QRICH1: variants seen among roughly 807,000 people sequenced by gnomAD.
QRICH1 encodes the protein glutamine rich 1.
Under a neutral mutation model 87.1 loss-of-function variants are expected in QRICH1, and 16 were observed. That is an observed-to-expected ratio of 0.18 (90% CI 0.12 to 0.28). The LOEUF (loss-of-function observed/expected upper bound fraction) is 0.28. Among genes scored for constraint, QRICH1 ranks in the 10% least tolerant of loss-of-function variants. QRICH1 has a pLI of 1.00. For synonymous variants in QRICH1, 367 were observed against 368.4 expected, an observed-to-expected ratio of 1.00 and a Z score of 0.05; for missense variants, 647 against 951.7, an observed-to-expected ratio of 0.68 and a Z score of 4.21.
intron 2 of QRICH1, among the ~76,000 whole-genome samples, chr3:49,062,957 G>A (rs532735226): frequency 3.0e-4 from 45 of 151,468 alleles, no homozygotes; most frequent in South Asian, 1.7e-3. Context: ...CCAAGATCGC[G>A]CCACTGCACT....
chr3:49,077,085 A>G, intron 1 of QRICH1, 47 bp from the exon 2 acceptor site: 1 of 1,256,266 alleles, frequency 8.0e-7, no homozygotes, highest in Non-Finnish European at 1.1e-6. Flanking sequence ...TTTAGCAGGA[A>G]ATGCCCAGAA....
At position 49,073,931 on chromosome 3, in the gene QRICH1, A is replaced by G. The variant is rs1169385159; in HGVS notation, c.309+2778T>C. Among the ~76,000 whole-genome samples the G allele has an allele frequency of 2.0e-5, 3 of 151,754 alleles. 1 individual carries two copies. The highest frequency in any genetic ancestry group is 7.3e-5 in the African/African-American group (3 of 41,310). On this transcript the variant is annotated intron_variant, in intron 2 of 9. Transcript: ENST00000395443. ...CCCAAATAGCTGGGACTACAAGTAC[A>G]TACCATCCCTGGGTAATTTTTTTTT...
chr3:49,044,308 C>T, intron 6 of QRICH1, 82 bp downstream of exon 6: 1 of 1,125,158 alleles, frequency 8.9e-7, no homozygotes, highest in East Asian at 2.4e-5. Context: ...CACTCACATG[C>T]TTTTCATAGC....
At chr3:49,056,810 A>G in intron 3 of QRICH1, 52 bp downstream of exon 3, 1 of 1,613,312 alleles carries the variant, frequency 6.2e-7, no homozygotes, top group South Asian at 1.1e-5. Context: ...TCTGTGCTGC[A>G]CTGGGCCCTG....
intron 2 of QRICH1, among the ~76,000 whole-genome samples, chr3:49,065,608 C>A (rs955379678): frequency 4.6e-5 from 7 of 151,782 alleles, no homozygotes; most frequent in African/African-American, 1.4e-4. Flanking sequence ...CAAATTAATA[C>A]ATTGGCATTG....
intron 4 of QRICH1, 97 bp downstream of exon 4, chr3:49,046,972 C>A: frequency 7.2e-7 from 1 of 1,394,142 alleles, no homozygotes. Flanking sequence ...CTCTTGTCCC[C>A]AAGACAGGAG....
At chr3:49,064,782 A>G (rs1289940264) in intron 2 of QRICH1, among the ~76,000 whole-genome samples, 1 of 152,154 alleles carries the variant, frequency 6.6e-6, no homozygotes. Context: ...TTGGGAGGCC[A>G]AGGCAGGCAG....
At chr3:49,080,012 G>A (rs1171877927) in intron 1 of QRICH1, among the ~76,000 whole-genome samples, 1 of 137,966 alleles carries the variant, frequency 7.2e-6, no homozygotes, top group Non-Finnish European at 1.5e-5. Context: ...CTGGGCGCCA[G>A]ACTGAGACTC....
intron 2 of QRICH1, among the ~76,000 whole-genome samples, chr3:49,069,703 T>G (rs941838045): frequency 1.3e-5 from 2 of 151,830 alleles, no homozygotes; most frequent in South Asian, 4.2e-4. Flanking sequence ...TGGTCTTGAA[T>G]TCCTGAACTC....
chr3:49,075,996 C>T (rs973707100), intron 2 of QRICH1, among the ~76,000 whole-genome samples: 2 of 152,126 alleles, frequency 1.3e-5, no homozygotes, highest in Non-Finnish European at 2.9e-5. Context: ...GTAATCCCAG[C>T]ACTTTTGGAT....
intron 2 of QRICH1, among the ~76,000 whole-genome samples, chr3:49,072,030 C>T (rs1280328182): frequency 6.6e-6 from 1 of 151,974 alleles, no homozygotes; most frequent in Non-Finnish European, 1.5e-5. Context: ...ACCTTTTCTT[C>T]CTTACAAAGA....
chr3:49,046,114 C>T (rs1354869332), intron 5 of QRICH1, among the ~76,000 whole-genome samples: 1 of 151,696 alleles, frequency 6.6e-6, no homozygotes, highest in Non-Finnish European at 1.5e-5. Context: ...GGGGTTTCAC[C>T]ATGTTGGCTG....
chr3:49,068,183 CCT>C (rs1017903256), intron 2 of QRICH1, among the ~76,000 whole-genome samples: 4 of 151,650 alleles, frequency 2.6e-5, no homozygotes, highest in African/African-American at 9.7e-5. Flanking sequence ...TAGCAACACC[CCT>C]CTCTCCACAA....
chr3:49,093,802 C>T (rs2042327136), intron 1 of QRICH1, 110 bp downstream of exon 1: 2 of 367,874 alleles, frequency 5.4e-6, no homozygotes, highest in Non-Finnish European at 4.8e-6. Context: ...CCGAACTCTC[C>T]AGGGCCCAGC....
chr3:49,073,593 C>T (rs573752141), intron 2 of QRICH1, among the ~76,000 whole-genome samples: 45 of 151,318 alleles, frequency 3.0e-4, no homozygotes, highest in Admixed American at 5.3e-4. Context: ...ACTAGTTTCT[C>T]GTCTTTCAGA....
At chr3:49,032,366 A>G (rs1254356131) in intron 8 of QRICH1, 93 bp from the exon 9 acceptor site, 18 of 779,026 alleles carry the variant, frequency 2.3e-5, no homozygotes, top group Non-Finnish European at 3.4e-5. Context: ...AGCCAGCCCA[A>G]CTAGGAAATA....
chr3:49,048,323 G>A (rs1224981170), intron 3 of QRICH1, among the ~76,000 whole-genome samples: 1 of 150,874 alleles, frequency 6.6e-6, no homozygotes, highest in Non-Finnish European at 1.5e-5. Context: ...GTAGAGATGG[G>A]GTTTCTCCAT....
At chr3:49,046,023 C>T (rs1321258011) in intron 5 of QRICH1, among the ~76,000 whole-genome samples, 1 of 151,844 alleles carries the variant, frequency 6.6e-6, no homozygotes, top group African/African-American at 2.4e-5. Flanking sequence ...TCAAGCGATT[C>T]TCATGCCTCA....
intron 1 of QRICH1, among the ~76,000 whole-genome samples, chr3:49,085,481 G>A (rs760108028): frequency 5.0e-4 from 76 of 152,130 alleles, no homozygotes; most frequent in Non-Finnish European, 1.3e-4. Flanking sequence ...CCTGCCGAAC[G>A]AGGTGGCTCA....
Sources: gnomAD v4.1 joint callset for allele counts (sites outside exome capture counted in the v4.1 genomes callset) on GRCh38, gnomAD v4.1.1 for gene constraint, MANE v1.5 for transcripts, NCBI Gene and HGNC (gene_info 2026-07-23, HGNC 2026-07-21) for gene names.